Variants in ARL15 observed in about 807,000 individuals in gnomAD.
ARL15 encodes ADP-ribosylation factor-like protein 15.
In ARL15, 19 loss-of-function variants were observed where a neutral mutation model predicts 25.2. The ratio of observed to expected loss-of-function variants is 0.75; its 90% confidence interval spans 0.53 to 1.10. The LOEUF is 1.10. Ranked by LOEUF, ARL15 falls within the 50% of genes least tolerant of loss-of-function variation. ARL15 has a pLI of 0.00. For synonymous variants in ARL15, 94 were observed against 86.8 expected, an observed-to-expected ratio of 1.08 and a Z score of -0.46; for missense variants, 220 against 246.0, an observed-to-expected ratio of 0.89 and a Z score of 0.71.
intron 1 of ARL15, among the ~76,000 whole-genome samples, chr5:54,263,337 C>CAAAA (rs1409288902): frequency 2.6e-5 from 4 of 151,492 alleles, no homozygotes; most frequent in Non-Finnish European, 5.9e-5. Flanking sequence ...TCACTGTTAA[C>CAAAA]AAATAAAAAA....
At chr5:53,939,978 CTTTT>C (rs11344083) in intron 4 of ARL15, among the ~76,000 whole-genome samples, 1 of 121,850 alleles carries the variant, frequency 8.2e-6, no homozygotes, top group Admixed American at 8.2e-5. Context: ...AAGTCCTGAA[CTTTT>C]TTTTTTTTTT....
chr5:54,105,489 A>G (rs113678557), intron 4 of ARL15, among the ~76,000 whole-genome samples: 8 of 152,346 alleles, frequency 5.3e-5, no homozygotes, highest in African/African-American at 1.9e-4. Context: ...ATATTTAAAT[A>G]TGCATACAAA....
At chr5:54,107,054 TGGCTG>T (rs1752608965) in intron 4 of ARL15, among the ~76,000 whole-genome samples, 1 of 152,022 alleles carries the variant, frequency 6.6e-6, no homozygotes, top group Non-Finnish European at 1.5e-5. Flanking sequence ...CAGTTCCACA[TGGCTG>T]GGGAGGCCTC....
chr5:54,044,351 C>A (rs1319453284), intron 4 of ARL15, among the ~76,000 whole-genome samples: 1 of 149,134 alleles, frequency 6.7e-6, no homozygotes, highest in Non-Finnish European at 1.5e-5. Context: ...TCAAGCAATT[C>A]TCCTGCCTTA....
At chr5:53,989,829 C>T (rs1748423862) in intron 4 of ARL15, among the ~76,000 whole-genome samples, 1 of 152,102 alleles carries the variant, frequency 6.6e-6, no homozygotes, top group Non-Finnish European at 1.5e-5. Flanking sequence ...TTTTGATATG[C>T]TTATGCAAAA....
intron 4 of ARL15, among the ~76,000 whole-genome samples, chr5:54,077,846 A>G (rs1307903274): frequency 6.6e-6 from 1 of 152,088 alleles, no homozygotes; most frequent in Non-Finnish European, 1.5e-5. Flanking sequence ...ATTTTTAACT[A>G]CCTTTCAAGG....
At chr5:54,149,081 G>A (rs11749715) in intron 3 of ARL15, among the ~76,000 whole-genome samples, 6,163 of 152,192 alleles carry the variant, frequency 0.04, 183 homozygotes, top group Non-Finnish European at 0.061. Context: ...CTGCAGTGTG[G>A]ACAACTGCTT....
intron 1 of ARL15, among the ~76,000 whole-genome samples, chr5:54,185,998 G>C (rs1445517678): frequency 6.6e-6 from 1 of 152,054 alleles, no homozygotes; most frequent in Non-Finnish European, 1.5e-5. Context: ...TTAAAAGCTC[G>C]TAGTATGACA....
At chr5:53,896,480 CTTTA>C (rs570207621) in intron 4 of ARL15, among the ~76,000 whole-genome samples, 8 of 151,714 alleles carry the variant, frequency 5.3e-5, no homozygotes, top group East Asian at 1.9e-4. Context: ...GTTGGTTTCC[CTTTA>C]TTTATTTATT....
intron 1 of ARL15, among the ~76,000 whole-genome samples, chr5:54,250,614 G>A (rs955501342): frequency 1.2e-4 from 18 of 152,284 alleles, no homozygotes; most frequent in Admixed American, 3.3e-4. Context: ...TGGTCTTGAT[G>A]AGAGACATGA....
chr5:54,024,370 T>C (rs764313171), intron 4 of ARL15, among the ~76,000 whole-genome samples: 1 of 152,210 alleles, frequency 6.6e-6, no homozygotes, highest in Non-Finnish European at 1.5e-5. Flanking sequence ...AATGGTACTT[T>C]TGCAGATTTG....
Position 54,024,863 on chromosome 5 carries a change from G to A in ARL15, c.462+88339C>T, listed in dbSNP as rs905816181. ...TATAAAATCCAGAGGCTTTTGAAAA[G>A]GCAATTCAAGAAGGAAAAAAACATT... On this transcript the variant is annotated intron_variant, in intron 4 of 4. Coordinates refer to ENST00000504924, the MANE Select transcript of ARL15 (RefSeq NM_019087.3). Among the ~76,000 whole-genome samples, 8 of 151,836 alleles carry A rather than the reference G, an allele frequency of 5.3e-5. No individual in the cohort carries two copies. In the East Asian group the frequency reaches 1.5e-3, roughly 29 times the overall value.
intron 4 of ARL15, among the ~76,000 whole-genome samples, chr5:53,927,932 T>G (rs1425751695): frequency 2.6e-5 from 4 of 152,190 alleles, no homozygotes; most frequent in Non-Finnish European, 4.4e-5. Context: ...GGCTTCATCT[T>G]CCTCATCTGT....
intron 4 of ARL15, among the ~76,000 whole-genome samples, chr5:53,921,266 A>C (rs775610288): frequency 3.3e-5 from 5 of 152,178 alleles, no homozygotes; most frequent in African/African-American, 4.8e-5. Context: ...CAGGTGAAGA[A>C]ACTGACATTC....
At chr5:54,109,344 A>C (rs1408224281) in intron 4 of ARL15, among the ~76,000 whole-genome samples, 1 of 152,022 alleles carries the variant, frequency 6.6e-6, no homozygotes, top group Non-Finnish European at 1.5e-5. Context: ...GAAAAAGTTA[A>C]ATACTTTTGG....
chr5:54,135,487 C>T (rs1293835546), intron 3 of ARL15, among the ~76,000 whole-genome samples: 1 of 152,298 alleles, frequency 6.6e-6, no homozygotes, highest in East Asian at 1.9e-4. Context: ...CTTCAGAATA[C>T]ATGACACCTA....
chr5:53,911,472 A>C (rs1294686914), intron 4 of ARL15, among the ~76,000 whole-genome samples: 1 of 151,912 alleles, frequency 6.6e-6, no homozygotes, highest in Non-Finnish European at 1.5e-5. Flanking sequence ...AGTTCTTACT[A>C]TCTTATAGAT....
Position 54,209,246 on chromosome 5 carries a change from C to T in ARL15, c.49-37318G>A, listed in dbSNP as rs1316941841. ...AAATCCTCAATTTCCAAAGCAGAAG[C>T]CAATAGACAATGCCTAAACCTGAAA... On this transcript the variant is annotated intron_variant, in intron 1 of 4. Coordinates refer to ENST00000504924, the MANE Select transcript of ARL15 (RefSeq NM_019087.3). 4.6e-5 allele frequency among the ~76,000 whole-genome samples: 7 copies of T among 151,340 alleles called. No individual in the cohort carries two copies. In the East Asian group the frequency reaches 1.4e-3, roughly 29 times the overall value.
intron 4 of ARL15, among the ~76,000 whole-genome samples, chr5:53,987,320 G>A (rs1561177695): frequency 2.0e-5 from 3 of 152,014 alleles, no homozygotes; most frequent in Admixed American, 6.6e-5. Context: ...TCTGGCCGGG[G>A]GTGGGGTGGG....
Sources: allele counts gnomAD v4.1 joint callset (sites outside exome capture counted in the v4.1 genomes callset), GRCh38; gene constraint gnomAD v4.1.1; transcripts MANE v1.5; gene names NCBI Gene and HGNC (gene_info 2026-07-23, HGNC 2026-07-21).